NTRK3: variants seen among roughly 807,000 people sequenced by gnomAD.
NTRK3 encodes neurotrophic receptor tyrosine kinase 3, also known as NT-3 growth factor receptor.
A neutral mutation model predicts 91.7 loss-of-function variants in NTRK3; 24 were observed. The ratio of observed to expected loss-of-function variants is 0.26; its 90% confidence interval spans 0.19 to 0.37. The LOEUF (loss-of-function observed/expected upper bound fraction) is 0.37, where lower values mean the gene tolerates loss of function less well. Ranked by LOEUF, NTRK3 falls within the 10% of genes least tolerant of loss-of-function variation. The pLI is 1.00. For missense variants in NTRK3, 880 were observed against 1,068.9 expected (o/e 0.82, Z 2.46); for synonymous variants, 483 against 404.0 (o/e 1.20, Z -2.34).
intron 13 of NTRK3, among the ~76,000 whole-genome samples, chr15:88,057,111 G>GT (rs1231278108): frequency 6.7e-6 from 1 of 149,868 alleles, no homozygotes; most frequent in African/African-American, 2.5e-5. Context: ...GGAGCTTGCA[G>GT]TGAGTCGAGA....
intron 17 of NTRK3, chr15:87,908,398 G>A (rs1356266851): frequency 2.5e-6 from 1 of 398,530 alleles, no homozygotes; most frequent in African/African-American, 2.1e-5. Flanking sequence ...CCCAGCCCAT[G>A]GAAGTGCCTC....
At chr15:87,876,811 G>T in exon 19 of NTRK3, 3 of 1,138,064 alleles carry the variant, frequency 2.6e-6, no homozygotes, top group Non-Finnish European at 4.0e-6. Context: ...TGTGTAGCAG[G>T]CACTTGAGTT....
intron 3 of NTRK3, among the ~76,000 whole-genome samples, chr15:88,201,162 G>A (rs55909222): frequency 6.6e-6 from 1 of 152,292 alleles, no homozygotes; most frequent in Non-Finnish European, 1.5e-5. Flanking sequence ...TCAGATTCAA[G>A]CCCTGATATC....
At chr15:88,023,133 C>T (rs1277012846) in intron 14 of NTRK3, among the ~76,000 whole-genome samples, 1 of 152,156 alleles carries the variant, frequency 6.6e-6, no homozygotes, top group Non-Finnish European at 1.5e-5. Context: ...GGAACTCAGA[C>T]ATCAGCACCC....
At chr15:87,881,591 T>C (rs904741300) in intron 17 of NTRK3, among the ~76,000 whole-genome samples, 3 of 151,944 alleles carry the variant, frequency 2.0e-5, no homozygotes, top group Non-Finnish European at 2.9e-5. Flanking sequence ...GGCTAATTTT[T>C]TGTATTTTTA....
intron 13 of NTRK3, among the ~76,000 whole-genome samples, chr15:88,043,756 G>A (rs1418002345): frequency 6.6e-6 from 1 of 152,148 alleles, no homozygotes; most frequent in Non-Finnish European, 1.5e-5. Context: ...TTAAAGTGAG[G>A]CACAATGAGT....
At chr15:88,147,257 T>A in intron 6 of NTRK3, 78 bp downstream of exon 6, 1 of 1,344,014 alleles carries the variant, frequency 7.4e-7, no homozygotes, top group Non-Finnish European at 1.1e-6. Context: ...CTTCAGGTGG[T>A]TCCACTGCTT....
At chr15:88,037,338 G>C (rs2142082675) in intron 13 of NTRK3, among the ~76,000 whole-genome samples, 1 of 152,296 alleles carries the variant, frequency 6.6e-6, no homozygotes, top group South Asian at 2.1e-4. Context: ...GAGGTGAGCA[G>C]ATCATGTGAG....
At chr15:87,990,122 G>C (rs1351523734) in intron 14 of NTRK3, among the ~76,000 whole-genome samples, 3 of 152,102 alleles carry the variant, frequency 2.0e-5, no homozygotes, top group Non-Finnish European at 4.4e-5. Flanking sequence ...TGAGGGTAGA[G>C]TACAACAGTC....
At chr15:88,096,817 C>T (rs557001102) in intron 13 of NTRK3, among the ~76,000 whole-genome samples, 11 of 152,288 alleles carry the variant, frequency 7.2e-5, no homozygotes, top group South Asian at 4.1e-4. Context: ...CTCACTGTCA[C>T]GCTCTTTCTT....
chr15:88,149,803 G>A (rs187023282), intron 5 of NTRK3, among the ~76,000 whole-genome samples: 4 of 152,202 alleles, frequency 2.6e-5, no homozygotes, highest in African/African-American at 2.4e-5. Flanking sequence ...ACAGGATTTG[G>A]TACTGCTCTG....
intron 13 of NTRK3, among the ~76,000 whole-genome samples, chr15:88,109,595 T>G (rs1282917755): frequency 6.6e-6 from 1 of 152,096 alleles, no homozygotes; most frequent in Non-Finnish European, 1.5e-5. Context: ...CCTATTCCTT[T>G]AAAGTTCCAA....
chr15:88,256,202 G>T (rs2054041142), intron 2 of NTRK3, 34 bp from the exon 3 acceptor site: 1 of 1,051,780 alleles, frequency 9.5e-7, no homozygotes, highest in African/African-American at 1.7e-5. Flanking sequence ...AGAGGGGGGT[G>T]GGGTGGGGGG....
At chr15:88,147,197 C>T in intron 6 of NTRK3, 138 bp downstream of exon 6, 2 of 773,116 alleles carry the variant, frequency 2.6e-6, no homozygotes, top group Non-Finnish European at 4.5e-6. Flanking sequence ...ACATGGTACA[C>T]TCTGTGTCAA....
At chr15:87,934,891 C>T (rs1332155234) in intron 15 of NTRK3, among the ~76,000 whole-genome samples, 1 of 152,252 alleles carries the variant, frequency 6.6e-6, no homozygotes, top group Non-Finnish European at 1.5e-5. Flanking sequence ...CCCCCTTCAA[C>T]TTCAACCAGC....
intron 13 of NTRK3, among the ~76,000 whole-genome samples, chr15:88,041,670 C>T (rs1011131702): frequency 2.0e-5 from 3 of 152,282 alleles, no homozygotes; most frequent in South Asian, 2.1e-4. Flanking sequence ...GCCATGGTGA[C>T]GTGCAAAATG....
chr15:87,877,482 A>T (rs748593411), intron 18 of NTRK3, among the ~76,000 whole-genome samples: 1 of 152,086 alleles, frequency 6.6e-6, no homozygotes, highest in Non-Finnish European at 1.5e-5. Flanking sequence ...GATAGTGGAC[A>T]TGGGCTTCTG....
In NTRK3 at chr15:87,940,993, C is replaced by G. The variant is rs561472077; in HGVS notation, c.1586-240G>C. ...AACTCCTAACCCCTCTAAACCACAA[C>G]ATCCTCTGCTGGCAAATGGAGTTAG... On this transcript the variant is annotated intron_variant, in intron 14 of 18. Coordinates refer to ENST00000394480, the Ensembl canonical transcript of NTRK3. Among the ~76,000 whole-genome samples the G allele has an allele frequency of 3.9e-5, 6 of 152,328 alleles. No homozygotes were observed. The South Asian group carries it at 1.2e-3, about 32-fold the overall frequency.
intron 17 of NTRK3, among the ~76,000 whole-genome samples, chr15:87,907,989 A>G (rs901549957): frequency 2.6e-5 from 4 of 152,216 alleles, no homozygotes; most frequent in Admixed American, 6.5e-5. Context: ...TCTGAGGTCA[A>G]TGGGGAGACC....
Sources: gnomAD v4.1 joint callset for allele counts (sites outside exome capture counted in the v4.1 genomes callset) on GRCh38, gnomAD v4.1.1 for gene constraint, MANE v1.5 for transcripts, NCBI Gene and HGNC (gene_info 2026-07-23, HGNC 2026-07-21) for gene names.